The following ARHGAP35 variants were observed in gnomAD, a reference collection of about 807,000 sequenced individuals.
The protein encoded by ARHGAP35 is Rho GTPase activating protein 35.
In ARHGAP35, 15 loss-of-function variants were observed where a neutral mutation model predicts 111.1. The ratio of observed to expected loss-of-function variants is 0.13; its 90% confidence interval spans 0.09 to 0.21. The LOEUF is 0.21. ARHGAP35 is among the 10% of genes least tolerant of loss of function. The pLI, the probability that ARHGAP35 is intolerant of heterozygous loss-of-function variation, is 1.00. For synonymous variants in ARHGAP35, 643 were observed against 710.3 expected (o/e 0.91, Z 1.51); for missense variants, 1,262 against 1,873.0 (o/e 0.67, Z 6.02).
At chr19:46,896,220 A>G (rs531738767) in intron 1 of ARHGAP35, among the ~76,000 whole-genome samples, 7 of 152,320 alleles carry the variant, frequency 4.6e-5, no homozygotes, top group East Asian at 1.9e-4. Context: ...CCTAGGCAAC[A>G]TGGTGAAACC....
intron 5 of ARHGAP35, among the ~76,000 whole-genome samples, chr19:46,991,966 A>G (rs1166282582): frequency 6.6e-6 from 1 of 152,242 alleles, no homozygotes; most frequent in African/African-American, 2.4e-5. Flanking sequence ...GGTCACTAGC[A>G]AATGGTTTTG....
chr19:46,959,849 ATG>A (rs1189984034), intron 3 of ARHGAP35, among the ~76,000 whole-genome samples: 9 of 148,984 alleles, frequency 6.0e-5, no homozygotes, highest in African/African-American at 2.0e-4. Flanking sequence ...TAATCCCAGC[ATG>A]CTGGGAGGCA....
intron 1 of ARHGAP35, among the ~76,000 whole-genome samples, chr19:46,898,862 G>A (rs1008051749): frequency 2.6e-5 from 4 of 152,082 alleles, no homozygotes; most frequent in African/African-American, 7.2e-5. Context: ...CCAAAACTGC[G>A]CTGATGTGCT....
intron 3 of ARHGAP35, among the ~76,000 whole-genome samples, chr19:46,940,604 C>CTT (rs112571284): frequency 0.028 from 3,882 of 139,914 alleles, 134 homozygotes; most frequent in African/African-American, 0.081. Flanking sequence ...TTTGTTTTCC[C>CTT]TTTTTTTTTT....
intron 2 of ARHGAP35, among the ~76,000 whole-genome samples, chr19:46,931,699 G>C (rs555294170): frequency 6.6e-6 from 1 of 152,272 alleles, no homozygotes; most frequent in East Asian, 1.9e-4. Context: ...CAAGGTGAAG[G>C]TGTTTCAGGC....
At chr19:46,958,846 G>A (rs1240947691) in intron 3 of ARHGAP35, among the ~76,000 whole-genome samples, 2 of 152,048 alleles carry the variant, frequency 1.3e-5, no homozygotes, top group Non-Finnish European at 2.9e-5. Context: ...ACTTTCCCAC[G>A]CCCTCATTTG....
Position 46,921,533 on chromosome 19 carries a change from T to G in ARHGAP35, c.2858T>G (p.Met953Arg). ...AAGAACATAATCGAGGCTACTCATATGTACGATAATGCTGCCGAGGCCTGT... is the reference window on the plus strand; with the variant it reads ...AAGAACATAATCGAGGCTACTCATAGGTACGATAATGCTGCCGAGGCCTGT... ...EKKNIIEATHMYDNAAEACST... is the reference protein window; with the variant it reads ...EKKNIIEATHRYDNAAEACST... The change falls in exon 2 of 7, where the codon ATG becomes AGG. Residue 953 changes from methionine (M) to arginine (R), a missense_variant. Met to Arg is a moderately conservative substitution (Grantham distance 91, BLOSUM62 -1). Transcript: ENST00000672722. This position sits in a 1 kb window ranked among gnomAD's most constrained non-coding sequence, Gnocchi z 4.3. The G allele has an allele frequency of 6.2e-7, 1 of 1,614,056 alleles. No homozygotes were observed. Among genetic ancestry groups the G allele is most frequent in the Non-Finnish European group, 8.5e-7 (1 of 1,179,896 alleles).
In ARHGAP35 at chr19:47,000,719, G is replaced by A. The variant is rs563284669; in HGVS notation, c.*31G>A. The A allele has an allele frequency of 3.1e-5, 48 of 1,538,506 alleles. No homozygotes were observed. In the South Asian group the frequency reaches 4.6e-4, roughly 15 times the overall value. ...CAAGACCTGGGGCGACAGGAGAACC[G>A]GTCCTCTCTCTGACGGGGTGGCATT... On this transcript the variant is annotated 3_prime_UTR_variant, in exon 7 of 7. Transcript: ENST00000672722. The surrounding 1 kb of genome is among the most constrained non-coding windows in gnomAD (Gnocchi z 6.9).
intron 3 of ARHGAP35, among the ~76,000 whole-genome samples, chr19:46,964,214 A>G (rs887998070): frequency 2.6e-5 from 4 of 151,970 alleles, no homozygotes; most frequent in African/African-American, 9.7e-5. Context: ...TTATAAATTT[A>G]AATTTAAATT....
In ARHGAP35 at chr19:46,940,063, C is replaced by T. The variant is rs375766623; in HGVS notation, c.3826+2655C>T. On this transcript the variant is annotated intron_variant, in intron 3 of 6. Coordinates refer to ENST00000672722, the MANE Select transcript of ARHGAP35 (RefSeq NM_004491.5). ...CATCCTGGCCAACATGGTGAAACCC[C>T]GTCTCTACTAAAAATACAAAAAATT... Among the ~76,000 whole-genome samples, 237 of 151,668 alleles carry T rather than the reference C, an allele frequency of 1.6e-3. 4 individuals are homozygous for T. The East Asian group carries it at 0.039, about 25-fold the overall frequency.
Position 46,918,589 on chromosome 19 carries a change from C to T in ARHGAP35, c.-87C>T, listed in dbSNP as rs2056177086. 1.1e-5 allele frequency: 15 copies of T among 1,363,754 alleles called. No homozygotes were observed. Among genetic ancestry groups the T allele is most frequent in the South Asian group, 6.7e-5 (5 of 74,634 alleles). The allele number at this position is 1,363,754 out of a possible 1,614,324, so 84.5% of individuals were successfully genotyped here. A position where few individuals can be genotyped will look rare whatever the true frequency, so the allele number is the denominator to read the frequency against. On this transcript the variant is annotated 5_prime_UTR_variant, in exon 2 of 7. Coordinates refer to ENST00000672722, the MANE Select transcript of ARHGAP35 (RefSeq NM_004491.5). This position sits in a 1 kb window ranked among gnomAD's most constrained non-coding sequence, Gnocchi z 5.4. ...ATTTTTGCTGCATGTCCAGCCCACC[C>T]CCACTAATAATGTAGGAAGCTGTCT...
chr19:46,937,481 T>C, intron 3 of ARHGAP35, 73 bp downstream of exon 3: 6 of 1,512,808 alleles, frequency 4.0e-6, no homozygotes, highest in Non-Finnish European at 5.5e-6. Flanking sequence ...TCAAGCCATC[T>C]GGAGATTCTG....
intron 2 of ARHGAP35, among the ~76,000 whole-genome samples, chr19:46,932,633 A>AT (rs911310106): frequency 9.9e-5 from 15 of 152,032 alleles, no homozygotes; most frequent in African/African-American, 3.1e-4. Flanking sequence ...CCAAACCCTG[A>AT]TTTTCTTACT....
At chr19:46,996,756 G>A (rs2122357567) in intron 5 of ARHGAP35, among the ~76,000 whole-genome samples, 1 of 152,210 alleles carries the variant, frequency 6.6e-6, no homozygotes, top group East Asian at 1.9e-4. Flanking sequence ...TGCTGCTTGT[G>A]TTTTCTAATA....
rs2056375404 is a variant in ARHGAP35, at chr19:46,945,654, T to A, written c.3826+8246T>A. On this transcript the variant is annotated intron_variant, in intron 3 of 6. Coordinates refer to ENST00000672722, the MANE Select transcript of ARHGAP35 (RefSeq NM_004491.5). This position sits in a 1 kb window ranked among gnomAD's most constrained non-coding sequence, Gnocchi z 4.1. Reference sequence around the variant, plus strand: ...CCCACCCGGGACGGTCTCAGCGTTCTGGAGACAGAATCCTAGTGCCCCACT... The same window carrying A: ...CCCACCCGGGACGGTCTCAGCGTTCAGGAGACAGAATCCTAGTGCCCCACT... Among the ~76,000 whole-genome samples the A allele has an allele frequency of 6.6e-6, 1 of 152,206 alleles. No individual in the cohort carries two copies. Among genetic ancestry groups the A allele is most frequent in the Non-Finnish European group, 1.5e-5 (1 of 68,028 alleles).
At chr19:46,933,778 G>A (rs1383784839) in intron 2 of ARHGAP35, among the ~76,000 whole-genome samples, 1 of 152,090 alleles carries the variant, frequency 6.6e-6, no homozygotes, top group South Asian at 2.1e-4. Flanking sequence ...CTATGACTGC[G>A]CCACTGCACC....
At position 46,918,767 on chromosome 19, in the gene ARHGAP35, G is replaced by T. The variant is rs749392607; in HGVS notation, c.92G>T (p.Cys31Phe). Reference sequence around the variant, plus strand: ...GGGACCGAGAAGGAAAAGGGCCAGTGTGGGATTGGAAAGTCTTGTTTGTGC... The same window carrying T: ...GGGACCGAGAAGGAAAAGGGCCAGTTTGGGATTGGAAAGTCTTGTTTGTGC... ...LSGTEKEKGQ[C>F]GIGKSCLCNR... Residue 31 changes from cysteine (C) to phenylalanine (F), a missense_variant, in exon 2 of 7, where the codon TGT becomes TTT. Transcript: ENST00000672722. The surrounding 1 kb of genome is among the most constrained non-coding windows in gnomAD (Gnocchi z 5.4). 13 of 1,613,920 alleles carry T rather than the reference G, an allele frequency of 8.1e-6. No individual in the cohort carries two copies. The highest frequency in any genetic ancestry group is 1.1e-5 in the Non-Finnish European group (13 of 1,179,914).
chr19:46,919,655 G>T lies in ARHGAP35; in HGVS notation c.980G>T (p.Arg327Leu). The T allele has an allele frequency of 6.2e-7, 1 of 1,613,932 alleles. No homozygotes were observed. The highest frequency in any genetic ancestry group is 8.5e-7 in the Non-Finnish European group (1 of 1,179,858). The change falls in exon 2 of 7, where the codon CGC becomes CTC. Residue 327 changes from arginine to leucine, a missense_variant. Around this residue, in one of 8 missense-constraint regions of ARHGAP35, gnomAD observed 328 missense variants for 440.8 expected, o/e 0.74. Coordinates refer to ENST00000672722, the MANE Select transcript of ARHGAP35 (RefSeq NM_004491.5). The surrounding 1 kb of genome is among the most constrained non-coding windows in gnomAD (Gnocchi z 6.2). The stretch of plus-strand genomic sequence containing the variant: ...AAGCTGTTTCTACAGCACATCCACC[G>T]CCTCAAGCATGAGCATATCGAGCGT... The part of the protein sequence containing the change: ...AKKLFLQHIH[R>L]LKHEHIERRR...
Position 46,921,498 on chromosome 19 carries a change from G to A in ARHGAP35, c.2823G>A (p.Val941=). Reference sequence around the variant, plus strand: ...TCTTTCACCCATTTTTTAAAGATGTGGTGGAAAAAAAGAACATAATCGAGG... The same window carrying A: ...TCTTTCACCCATTTTTTAAAGATGTAGTGGAAAAAAAGAACATAATCGAGG... ...LEIFHPFFKD[V]VEKKNIIEAT... is the part of the protein sequence containing the mutation. Residue 941 remains valine (V), a synonymous_variant, in exon 2 of 7, where the codon GTG becomes GTA. Coordinates refer to ENST00000672722, the MANE Select transcript of ARHGAP35 (RefSeq NM_004491.5). The surrounding 1 kb of genome is among the most constrained non-coding windows in gnomAD (Gnocchi z 4.3). 6.2e-7 allele frequency: 1 copy of A among 1,613,710 alleles called. No individual in the cohort carries two copies. Among genetic ancestry groups the A allele is most frequent in the Non-Finnish European group, 8.5e-7 (1 of 1,179,804 alleles).
Sources: gnomAD v4.1 joint callset for allele counts (sites outside exome capture counted in the v4.1 genomes callset) on GRCh38, gnomAD v4.1.1 for gene constraint, gnomAD v4.1.1 regional missense constraint, Gnocchi (gnomAD v3.1) non-coding constraint, MANE v1.5 for transcripts, NCBI Gene and HGNC (gene_info 2026-07-23, HGNC 2026-07-21) for gene names.